GSE1: variants seen among roughly 807,000 people sequenced by gnomAD.
GSE1 encodes the protein Gse1 coiled-coil protein.
Under a neutral mutation model 112.6 loss-of-function variants are expected in GSE1, and 32 were observed. That is an observed-to-expected ratio of 0.28 (90% CI 0.21 to 0.38). The LOEUF is 0.38. Among genes scored for constraint, GSE1 ranks in the 10% least tolerant of loss-of-function variants. The pLI is 1.00. For missense variants in GSE1, 2,348 were observed against 1,699.2 expected, an observed-to-expected ratio of 1.38 and a Z score of -6.71; for synonymous variants, 1,115 against 735.6, an observed-to-expected ratio of 1.52 and a Z score of -8.35.
intron 2 of GSE1, among the ~76,000 whole-genome samples, chr16:85,640,595 A>C (rs1021790627): frequency 6.6e-6 from 1 of 152,152 alleles, no homozygotes; most frequent in East Asian, 1.9e-4. Flanking sequence ...AGTGGGGACT[A>C]CGTGTGCGGG....
At chr16:85,507,205 G>C (rs1177790335) in intron 2 of GSE1, among the ~76,000 whole-genome samples, 1 of 152,240 alleles carries the variant, frequency 6.6e-6, no homozygotes, top group African/African-American at 2.4e-5. Context: ...TATTCATCTA[G>C]ATTTGTGTCA....
chr16:85,235,673 T>G (rs1198341659), intron 1 of GSE1, among the ~76,000 whole-genome samples: 1 of 151,224 alleles, frequency 6.6e-6, no homozygotes, highest in Non-Finnish European at 1.5e-5. Flanking sequence ...GGGGTTGGAT[T>G]CCGTCCCCTC....
At chr16:85,652,489 G>T (rs966587135) in intron 3 of GSE1, among the ~76,000 whole-genome samples, 1 of 152,236 alleles carries the variant, frequency 6.6e-6, no homozygotes, top group African/African-American at 2.4e-5. Flanking sequence ...CAGAGAAGGG[G>T]GGCCGGGGCT....
intron 1 of GSE1, among the ~76,000 whole-genome samples, chr16:85,578,727 C>T (rs1367499938): frequency 6.6e-6 from 1 of 151,422 alleles, no homozygotes; most frequent in Non-Finnish European, 1.5e-5. Flanking sequence ...GCCTCCACTA[C>T]CCCTCACCAC....
At position 85,672,531 on chromosome 16, in the gene GSE1, C is replaced by T; in HGVS notation, c.3646C>T (p.Pro1216Ser). The T allele has an allele frequency of 6.2e-7, 1 of 1,603,890 alleles. No homozygotes were observed. The highest frequency in any genetic ancestry group is 8.5e-7 in the Non-Finnish European group (1 of 1,172,068). ...HWPRGYLKGYPR is the reference protein window; with the variant it reads ...HWPRGYLKGYSR ...GCCTAGGGGCTACCTGAAGGGATAT[C>T]CCAGGTGACGGTTTCCCTTGCACTA... Residue 1216 changes from proline (P) to serine (S), a missense_variant, in exon 16 of 16, where the codon CCC (proline) becomes TCC (serine). Pro to Ser is a moderately conservative substitution (Grantham distance 74). Coordinates refer to ENST00000253458, the MANE Select transcript of GSE1 (RefSeq NM_014615.5).
chr16:85,356,600 C>T (rs1322421023), intron 1 of GSE1, among the ~76,000 whole-genome samples: 2 of 152,246 alleles, frequency 1.3e-5, no homozygotes, highest in African/African-American at 2.4e-5. Context: ...CCCACCTGTT[C>T]TCCTGCAATA....
chr16:85,664,868 C>A, intron 11 of GSE1, 147 bp from the exon 12 acceptor site: 1 of 616,764 alleles, frequency 1.6e-6, no homozygotes, highest in East Asian at 2.8e-5. Context: ...TGCTTCCTTT[C>A]AACTGGGCCT....
At chr16:85,288,235 G>A (rs1489267152) in intron 1 of GSE1, among the ~76,000 whole-genome samples, 1 of 151,314 alleles carries the variant, frequency 6.6e-6, no homozygotes, top group Non-Finnish European at 1.5e-5. Flanking sequence ...GCAAGAATCT[G>A]ACCCAAAAAA....
intron 1 of GSE1, among the ~76,000 whole-genome samples, chr16:85,235,428 CTGTGTGTGTGTGTGTGTG>C (rs60860144): frequency 8.7e-5 from 11 of 126,318 alleles, no homozygotes; most frequent in African/African-American, 2.5e-4. Context: ...TGGAAGGGTA[CTGTGTGTGTGTGTGTGTG>C]TGTGTGTGTG....
At chr16:85,586,358 T>C (rs2151409924) in intron 1 of GSE1, among the ~76,000 whole-genome samples, 2 of 152,364 alleles carry the variant, frequency 1.3e-5, no homozygotes, top group African/African-American at 4.8e-5. Context: ...CTGGCCTGGA[T>C]GCCTTTGTCC....
intron 2 of GSE1, among the ~76,000 whole-genome samples, chr16:85,384,519 C>G (rs1306375608): frequency 6.6e-6 from 1 of 152,220 alleles, no homozygotes; most frequent in African/African-American, 2.4e-5. Context: ...TGTGCAGCAC[C>G]AGGCCTGTAC....
At chr16:85,583,149 G>T (rs1320108423) in intron 1 of GSE1, among the ~76,000 whole-genome samples, 3 of 152,132 alleles carry the variant, frequency 2.0e-5, no homozygotes, top group Admixed American at 6.5e-5. Flanking sequence ...GGTAGGAAAC[G>T]CTGGCCCAGT....
intron 1 of GSE1, among the ~76,000 whole-genome samples, chr16:85,263,250 T>G (rs1190028537): frequency 2.6e-5 from 4 of 152,038 alleles, no homozygotes; most frequent in Non-Finnish European, 5.9e-5. Context: ...GCAAAGATCA[T>G]CAAACCTTTT....
chr16:85,524,040 G>A (rs1159713665), intron 2 of GSE1, among the ~76,000 whole-genome samples: 1 of 152,170 alleles, frequency 6.6e-6, no homozygotes, highest in Non-Finnish European at 1.5e-5. Context: ...CTGTCTCCCG[G>A]GTGGTGGGGC....
In GSE1 at chr16:85,661,315, T is replaced by C; in HGVS notation, c.1810T>C (p.Ser604Pro). ...TLETRRAESH[S>P]LHSHPAAFEP... The stretch of plus-strand genomic sequence containing the variant: ...GGAGACGCGGCGGGCCGAAAGCCAC[T>C]CTCTGCACAGCCACCCGGCTGCATT... Residue 604 changes from serine (S) to proline (P), a missense_variant, in exon 9 of 16, where the codon TCT (serine) becomes CCT (proline). Ser to Pro is a moderately conservative substitution (Grantham distance 74, BLOSUM62 -1). Coordinates refer to ENST00000253458, the MANE Select transcript of GSE1 (RefSeq NM_014615.5). 6.2e-7 allele frequency: 1 copy of C among 1,612,564 alleles called. No individual in the cohort carries two copies. The highest frequency in any genetic ancestry group is 8.5e-7 in the Non-Finnish European group (1 of 1,179,902).
At chr16:85,566,490 T>C (rs971929047) in intron 1 of GSE1, among the ~76,000 whole-genome samples, 1 of 152,218 alleles carries the variant, frequency 6.6e-6, no homozygotes, top group South Asian at 2.1e-4. Flanking sequence ...CAGGAGTCAC[T>C]GGATGGAGGG....
intron 2 of GSE1, among the ~76,000 whole-genome samples, chr16:85,402,510 A>T (rs1338081441): frequency 1.3e-5 from 2 of 152,226 alleles, no homozygotes; most frequent in Non-Finnish European, 2.9e-5. Flanking sequence ...GAGTGGACCC[A>T]GAGAGAGTGG....
Position 85,510,478 on chromosome 16 carries a change from C to T in GSE1, c.2465-123436C>T, listed in dbSNP as rs148526892. Among the ~76,000 whole-genome samples the T allele has an allele frequency of 1.0e-2, 1,518 of 152,156 alleles. 17 individuals are homozygous for T. The highest frequency in any genetic ancestry group is 0.067 in the South Asian group (323 of 4,828). ...TGTGGCCTGCGTGCACCCGCCTTGG[C>T]GGGGGCACACCTGGCAGCCTTGCTT... On this transcript the variant is annotated intron_variant, in intron 2 of 2. Coordinates refer to the GSE1 transcript ENST00000637419.
intron 2 of GSE1, among the ~76,000 whole-genome samples, chr16:85,493,860 G>A (rs1166570192): frequency 6.6e-6 from 1 of 150,542 alleles, no homozygotes; most frequent in Admixed American, 6.6e-5. Context: ...GGAGCTCCTC[G>A]CTTGAGCTCA....
Sources: gnomAD v4.1 joint callset for allele counts (sites outside exome capture counted in the v4.1 genomes callset) on GRCh38, gnomAD v4.1.1 for gene constraint, MANE v1.5 for transcripts, NCBI Gene and HGNC (gene_info 2026-07-23, HGNC 2026-07-21) for gene names.